The following PCDH15 variants were observed in gnomAD, a reference collection of about 807,000 sequenced individuals.
PCDH15 encodes protocadherin related 15.
A neutral mutation model predicts 178.5 loss-of-function variants in PCDH15; 129 were observed. That is an observed-to-expected ratio of 0.72 (90% confidence interval 0.63 to 0.84). The LOEUF (loss-of-function observed/expected upper bound fraction) is 0.84, where lower values mean the gene tolerates loss of function less well. Ranked by LOEUF, PCDH15 falls within the 40% of genes least tolerant of loss-of-function variation. The pLI is 0.00. For missense variants in PCDH15, 2,230 were observed against 2,099.9 expected, an observed-to-expected ratio of 1.06 and a Z score of -1.21; for synonymous variants, 800 against 732.0, an observed-to-expected ratio of 1.09 and a Z score of -1.50.
intron 2 of PCDH15, among the ~76,000 whole-genome samples, chr10:55,082,088 T>C (rs138760278): frequency 6.6e-6 from 1 of 152,276 alleles, no homozygotes; most frequent in African/African-American, 2.4e-5. Flanking sequence ...CTAACAGATA[T>C]TTATAGAACA....
At chr10:53,824,335 G>A (rs1588950129) in intron 32 of PCDH15, among the ~76,000 whole-genome samples, 1 of 152,068 alleles carries the variant, frequency 6.6e-6, no homozygotes, top group Admixed American at 6.6e-5. Flanking sequence ...ATTCTCATTA[G>A]CTTTTACTCT....
At chr10:53,925,204 T>C (rs1024581388) in intron 25 of PCDH15, among the ~76,000 whole-genome samples, 1 of 152,098 alleles carries the variant, frequency 6.6e-6, no homozygotes, top group African/African-American at 2.4e-5. Flanking sequence ...CTTTATGAAC[T>C]GTAACACTCA....
chr10:55,043,082 T>C lies in PCDH15; in HGVS notation c.-80+123494A>G, dbSNP rs1182252706. On this transcript the variant is annotated intron_variant, in intron 2 of 5. Coordinates refer to the PCDH15 transcript ENST00000458638. ...CTGGTAATCTAAAATACCATATGTG[T>C]TGCTCCTAAGGAATGTTTTTAGAAC... Among the ~76,000 whole-genome samples, 3 of 152,166 alleles carry C rather than the reference T, an allele frequency of 2.0e-5. No homozygotes were observed. In the East Asian group the frequency reaches 5.8e-4, roughly 29 times the overall value.
At chr10:53,925,005 C>A (rs1158256054) in intron 25 of PCDH15, among the ~76,000 whole-genome samples, 1 of 152,096 alleles carries the variant, frequency 6.6e-6, no homozygotes, top group Non-Finnish European at 1.5e-5. Context: ...CTCTGTAAAA[C>A]AGACCAATCA....
intron 3 of PCDH15, among the ~76,000 whole-genome samples, chr10:54,892,879 A>T (rs202191695): frequency 6.6e-6 from 1 of 152,014 alleles, no homozygotes; most frequent in East Asian, 1.9e-4. Flanking sequence ...AGTACCTGCC[A>T]CCACACCTAT....
At chr10:54,493,317 GC>G (rs200313445) in intron 3 of PCDH15, among the ~76,000 whole-genome samples, 16,660 of 151,906 alleles carry the variant, frequency 0.11, 1,007 homozygotes, top group East Asian at 0.26. Context: ...GGGGGTGGGG[GC>G]AAACAAAACT....
intron 3 of PCDH15, among the ~76,000 whole-genome samples, chr10:54,814,728 A>C (rs1952921275): frequency 6.6e-6 from 1 of 152,088 alleles, no homozygotes; most frequent in African/African-American, 2.4e-5. Flanking sequence ...CAATTTTTTG[A>C]ATTTTTGCAA....
intron 2 of PCDH15, among the ~76,000 whole-genome samples, chr10:55,109,722 TACTCCTATTTTTG>T (rs1411164723): frequency 6.6e-6 from 1 of 152,110 alleles, no homozygotes; most frequent in Non-Finnish European, 1.5e-5. Context: ...ATGTTGAAGT[TACTCCTATTTTTG>T]ATTCATTCAG....
intron 26 of PCDH15, among the ~76,000 whole-genome samples, chr10:53,894,039 GAAATA>G (rs1251356590): frequency 1.3e-5 from 2 of 151,836 alleles, no homozygotes; most frequent in African/African-American, 4.8e-5. Context: ...AAAAATTATT[GAAATA>G]AAATAAACTA....
intron 15 of PCDH15, among the ~76,000 whole-genome samples, chr10:54,111,538 T>C (rs143439748): frequency 3.9e-5 from 6 of 152,296 alleles, no homozygotes; most frequent in Middle Eastern, 3.4e-3. Flanking sequence ...TTTCACTTTC[T>C]ACTATAGTCA....
In PCDH15 at chr10:55,072,702, T is replaced by G. The variant is rs575241289; in HGVS notation, c.-80+93874A>C. 3.2e-3 allele frequency among the ~76,000 whole-genome samples: 481 copies of G among 152,092 alleles called. 3 individuals are homozygous for G. Among genetic ancestry groups the G allele is most frequent in the African/African-American group, 0.011 (461 of 41,516 alleles). On this transcript the variant is annotated intron_variant, in intron 2 of 5. Coordinates refer to the PCDH15 transcript ENST00000458638. ...GAACTGGTACCATTCCTTCTGAAAC[T>G]ATTCCAATCAATAGAAAAAGAGGGA... is the stretch of plus-strand genomic sequence containing the variant.
chr10:55,144,731 T>A (rs190570828), intron 2 of PCDH15, among the ~76,000 whole-genome samples: 1 of 152,272 alleles, frequency 6.6e-6, no homozygotes, highest in East Asian at 1.9e-4. Context: ...AGTTTGTAAT[T>A]GTCACAAGTT....
At chr10:55,380,069 G>C (rs1374543931) in intron 2 of PCDH15, among the ~76,000 whole-genome samples, 1 of 152,044 alleles carries the variant, frequency 6.6e-6, no homozygotes, top group Admixed American at 6.6e-5. Flanking sequence ...CAAACTATTA[G>C]AGAAAAATGA....
intron 2 of PCDH15, among the ~76,000 whole-genome samples, chr10:55,559,849 C>A (rs2132097380): frequency 6.6e-6 from 1 of 151,956 alleles, no homozygotes; most frequent in South Asian, 2.1e-4. Flanking sequence ...TTTCAACATC[C>A]TGTAGAGTTC....
intron 2 of PCDH15, among the ~76,000 whole-genome samples, chr10:55,619,257 A>G (rs1052973377): frequency 1.1e-4 from 17 of 151,996 alleles, no homozygotes; most frequent in African/African-American, 4.1e-4. Flanking sequence ...ATACAGAAAC[A>G]CCAATTAAGG....
At chr10:55,334,964 T>G (rs1844341723) in intron 2 of PCDH15, among the ~76,000 whole-genome samples, 2 of 152,156 alleles carry the variant, frequency 1.3e-5, no homozygotes, top group Non-Finnish European at 2.9e-5. Context: ...TCTTGAATAT[T>G]TTCATTAATA....
At position 53,901,460 on chromosome 10, in the gene PCDH15, G is replaced by A. The variant is rs148880391; in HGVS notation, c.3501+1783C>T. On this transcript the variant is annotated intron_variant, in intron 26 of 37. Coordinates refer to ENST00000644397, the MANE Select transcript of PCDH15 (RefSeq NM_001384140.1). Reference sequence around the variant, plus strand: ...CTCAAGGTCTCCATAGCCTATCAACGTCGTTCAAGCTACCGTCAAATTTTT... The same window carrying A: ...CTCAAGGTCTCCATAGCCTATCAACATCGTTCAAGCTACCGTCAAATTTTT... 3.0e-3 allele frequency among the ~76,000 whole-genome samples: 462 copies of A among 152,074 alleles called. 1 individual carries two copies. Among genetic ancestry groups the A allele is most frequent in the African/African-American group, 7.1e-3 (296 of 41,502 alleles).
intron 2 of PCDH15, among the ~76,000 whole-genome samples, chr10:55,582,628 A>ATATTTTTTTTTTTTTT (rs780312007): frequency 2.9e-5 from 2 of 69,030 alleles, no homozygotes; most frequent in Non-Finnish European, 2.5e-5. Context: ...ATATATATAT[A>ATATTTTTTTTTTTTTT]TTTTTTTTTT....
chr10:54,242,439 C>A (rs993924534), intron 8 of PCDH15, among the ~76,000 whole-genome samples: 12 of 151,498 alleles, frequency 7.9e-5, no homozygotes, highest in African/African-American at 2.9e-4. Context: ...TAAGATTTAA[C>A]CTATTATATC....
Sources: allele counts gnomAD v4.1 joint callset (sites outside exome capture counted in the v4.1 genomes callset), GRCh38; gene constraint gnomAD v4.1.1; transcripts MANE v1.5; gene names NCBI Gene and HGNC (gene_info 2026-07-23, HGNC 2026-07-21).